DLG2: variants seen among roughly 807,000 people sequenced by gnomAD.
DLG2 encodes discs large MAGUK scaffold protein 2.
Under a neutral mutation model 132.5 loss-of-function variants are expected in DLG2, and 45 were observed. The ratio of observed to expected loss-of-function variants is 0.34; its 90% CI spans 0.27 to 0.44. The LOEUF is 0.44. Among genes scored for constraint, DLG2 ranks in the 20% least tolerant of loss-of-function variants. The pLI, the probability that DLG2 is intolerant of heterozygous loss-of-function variation, is 1.00. For synonymous variants in DLG2, 424 were observed against 419.6 expected, an observed-to-expected ratio of 1.01 and a Z score of -0.13; for missense variants, 1,045 against 1,196.9, an observed-to-expected ratio of 0.87 and a Z score of 1.87.
chr11:83,472,376 T>C (rs561374396), intron 23 of DLG2, among the ~76,000 whole-genome samples: 2 of 152,284 alleles, frequency 1.3e-5, no homozygotes, highest in South Asian at 4.1e-4. Context: ...TAGAAAGTCA[T>C]TCTCAATACT....
chr11:84,286,431 T>A (rs1229952663), intron 7 of DLG2, among the ~76,000 whole-genome samples: 1 of 152,182 alleles, frequency 6.6e-6, no homozygotes. Context: ...TCTACTCTAG[T>A]AAACAGTTAA....
At chr11:84,136,476 C>G (rs1446783617) in intron 9 of DLG2, among the ~76,000 whole-genome samples, 3 of 152,044 alleles carry the variant, frequency 2.0e-5, no homozygotes, top group Admixed American at 2.0e-4. Flanking sequence ...ATTACATCAT[C>G]ATCACATCTG....
Position 84,875,801 on chromosome 11 carries a change from G to A in DLG2, c.357+235860C>T, listed in dbSNP as rs76474929. Among the ~76,000 whole-genome samples the A allele has an allele frequency of 5.6e-4, 85 of 152,086 alleles. No homozygotes were observed. The East Asian group carries it at 0.015, about 26-fold the overall frequency. On this transcript the variant is annotated intron_variant, in intron 6 of 27. Coordinates refer to ENST00000376104, the MANE Select transcript of DLG2 (RefSeq NM_001142699.3). ...GCCCAGGCTGGAGTACAGTGGTGGC[G>A]ATCTCAGCTCACTGAAATCTCCACC...
At chr11:84,229,935 C>T (rs1303715406) in intron 8 of DLG2, among the ~76,000 whole-genome samples, 2 of 152,100 alleles carry the variant, frequency 1.3e-5, no homozygotes, top group African/African-American at 2.4e-5. Flanking sequence ...GAAGTTTTCT[C>T]ATTATAAACA....
At chr11:84,019,708 G>A (rs1593218021) in intron 11 of DLG2, among the ~76,000 whole-genome samples, 1 of 152,102 alleles carries the variant, frequency 6.6e-6, no homozygotes, top group African/African-American at 2.4e-5. Flanking sequence ...ATGCATACAG[G>A]GAGAATGACA....
intron 18 of DLG2, among the ~76,000 whole-genome samples, chr11:83,721,707 G>A (rs971534091): frequency 2.0e-5 from 3 of 152,296 alleles, no homozygotes; most frequent in Non-Finnish European, 2.9e-5. Context: ...ATGCGACAAC[G>A]AATTATAGAA....
intron 7 of DLG2, among the ~76,000 whole-genome samples, chr11:84,293,037 T>C (rs372888974): frequency 6.6e-6 from 1 of 152,212 alleles, no homozygotes; most frequent in African/African-American, 2.4e-5. Flanking sequence ...AGTGAGTAAG[T>C]TATAGGGGTT....
intron 3 of DLG2, among the ~76,000 whole-genome samples, chr11:85,561,488 A>C (rs549515165): frequency 6.6e-6 from 1 of 151,718 alleles, no homozygotes; most frequent in South Asian, 2.1e-4. Flanking sequence ...TAATTTTTCA[A>C]ATTAAAGCTT....
intron 7 of DLG2, among the ~76,000 whole-genome samples, chr11:84,465,880 T>C (rs2099092995): frequency 6.6e-6 from 1 of 151,258 alleles, no homozygotes; most frequent in South Asian, 2.1e-4. Flanking sequence ...ATTTTATTAA[T>C]AAATTGAGTT....
In DLG2 at chr11:83,644,114, A is replaced by T. The variant is rs535986183; in HGVS notation, c.1826-10789T>A. ...TCTCAAAATATCATTTTGAGATACG[A>T]CAGGTCTTTCCTTCAAATACAACAG... On this transcript the variant is annotated intron_variant, in intron 18 of 27. Coordinates refer to ENST00000376104, the MANE Select transcript of DLG2 (RefSeq NM_001142699.3). Among the ~76,000 whole-genome samples, 10 of 152,304 alleles carry T rather than the reference A, an allele frequency of 6.6e-5. No individual in the cohort carries two copies. In the South Asian group the frequency reaches 2.1e-3, roughly 32 times the overall value.
chr11:83,608,982 C>T (rs2059732958), intron 19 of DLG2, among the ~76,000 whole-genome samples: 1 of 152,126 alleles, frequency 6.6e-6, no homozygotes, highest in African/African-American at 2.4e-5. Flanking sequence ...CAAATGATAG[C>T]AAGCCGTCAG....
intron 8 of DLG2, among the ~76,000 whole-genome samples, chr11:84,205,192 A>G (rs982769389): frequency 6.6e-6 from 1 of 152,222 alleles, no homozygotes; most frequent in Admixed American, 6.5e-5. Flanking sequence ...AGAAAGACAA[A>G]GCAATCTTAA....
At chr11:84,142,706 T>G (rs551184757) in intron 9 of DLG2, among the ~76,000 whole-genome samples, 17 of 152,132 alleles carry the variant, frequency 1.1e-4, no homozygotes, top group Admixed American at 4.6e-4. Flanking sequence ...AGGTGGGACA[T>G]CCATTATCTC....
At chr11:85,007,981 A>G (rs2058842113) in intron 6 of DLG2, among the ~76,000 whole-genome samples, 1 of 152,182 alleles carries the variant, frequency 6.6e-6, no homozygotes, top group Non-Finnish European at 1.5e-5. Flanking sequence ...TGTGTGTACC[A>G]AGTATTACAG....
At chr11:83,920,024 T>C (rs1226775358) in intron 15 of DLG2, among the ~76,000 whole-genome samples, 1 of 152,182 alleles carries the variant, frequency 6.6e-6, no homozygotes, top group Non-Finnish European at 1.5e-5. Context: ...GGCTGAAATC[T>C]AGTCTGAATG....
At chr11:84,827,698 A>AAG in intron 6 of DLG2, among the ~76,000 whole-genome samples, 1 of 145,820 alleles carries the variant, frequency 6.9e-6, no homozygotes, top group East Asian at 2.0e-4. Context: ...AAAAAAAAAA[A>AAG]GCCCAGGTCA....
intron 4 of DLG2, among the ~76,000 whole-genome samples, chr11:85,191,488 TCC>T (rs1482593908): frequency 6.6e-6 from 1 of 152,010 alleles, no homozygotes; most frequent in Admixed American, 6.5e-5. Context: ...AAGAAAACAG[TCC>T]TGGCTAGCTT....
chr11:83,925,685 T>C (rs2078843442), intron 15 of DLG2, among the ~76,000 whole-genome samples: 1 of 152,110 alleles, frequency 6.6e-6, no homozygotes, highest in African/African-American at 2.4e-5. Context: ...AACCTGCCAA[T>C]ATATTTTAAT....
intron 8 of DLG2, among the ~76,000 whole-genome samples, chr11:84,210,756 A>C (rs1030221010): frequency 2.6e-5 from 4 of 152,176 alleles, no homozygotes; most frequent in African/African-American, 9.6e-5. Flanking sequence ...TATATACTGA[A>C]TTATTTCATT....
Sources: gnomAD v4.1 joint callset for allele counts (sites outside exome capture counted in the v4.1 genomes callset) on GRCh38, gnomAD v4.1.1 for gene constraint, MANE v1.5 for transcripts, NCBI Gene and HGNC (gene_info 2026-07-23, HGNC 2026-07-21) for gene names.